Variants in MAPK12 observed in about 807,000 individuals in gnomAD.
The protein encoded by MAPK12 is MAP kinase 12.
MAPK12 carries 49 observed loss-of-function variants against 49.1 expected under a neutral mutation model. That is an observed-to-expected ratio of 1.00 (90% confidence interval 0.79 to 1.27). The LOEUF (loss-of-function observed/expected upper bound fraction) is 1.27, where lower values mean the gene tolerates loss of function less well. MAPK12 is among the 50% of genes most tolerant of loss of function. The pLI, the probability that MAPK12 is intolerant of heterozygous loss-of-function variation, is 0.00. For synonymous variants in MAPK12, 251 were observed against 209.7 expected, an observed-to-expected ratio of 1.20 and a Z score of -1.70; for missense variants, 554 against 502.4, an observed-to-expected ratio of 1.10 and a Z score of -0.98.
At position 50,261,626 on chromosome 22, in the gene MAPK12, G is replaced by C. The variant is rs993391443; in HGVS notation, c.-117C>G. The C allele has an allele frequency of 3.1e-6, 3 of 972,440 alleles. No homozygotes were observed. The highest frequency in any genetic ancestry group is 3.7e-6 in the Non-Finnish European group (3 of 818,390). The allele number at this position is 972,440 out of a possible 1,614,324, so 60.2% of individuals were successfully genotyped here. On this transcript the variant is annotated 5_prime_UTR_variant, in exon 1 of 12. Coordinates refer to ENST00000215659, the MANE Select transcript of MAPK12 (RefSeq NM_002969.6). ...CTCCGCGCCGCTCGTCCGCTCGCCC[G>C]CCCGCCCGCCGGCCGCTGGGGCGCT...
In MAPK12 at chr22:50,261,577, C is replaced by G. The variant is rs1287457481; in HGVS notation, c.-68G>C. Reference sequence around the variant, plus strand: ...TGCCCCCACGACCGGGGACGGGGCTCCCTCGGCGCGCGCCTCGGGCCGGCT... The same window carrying G: ...TGCCCCCACGACCGGGGACGGGGCTGCCTCGGCGCGCGCCTCGGGCCGGCT... On this transcript the variant is annotated 5_prime_UTR_variant, in exon 1 of 12. Transcript: ENST00000215659. 9.8e-7 allele frequency: 1 copy of G among 1,021,234 alleles called. No individual in the cohort carries two copies. Among genetic ancestry groups the G allele is most frequent in the Non-Finnish European group, 1.2e-6 (1 of 855,370 alleles). 63.3% of individuals were successfully genotyped at this position (1,021,234 alleles called of 1,614,324 possible).
At chr22:50,257,748 C>CGCCT in intron 3 of MAPK12, 1 of 658,118 alleles carries the variant, frequency 1.5e-6, no homozygotes, top group Non-Finnish European at 2.8e-6. Context: ...AGGCGGGAGG[C>CGCCT]GCCTGCTACC....
chr22:50,255,196 C>G lies in MAPK12; in HGVS notation c.1024+1G>C. On this transcript the variant is annotated splice_donor_variant, in intron 11 of 11. Transcript: ENST00000215659. LOFTEE classifies it high-confidence loss of function. The stretch of plus-strand genomic sequence containing the variant: ...GGCCGTGCCAGGAGCCCCCCACTCA[C>G]GCTTCCATTCATCCAGTGTGCGGTC... 6.2e-7 allele frequency: 1 copy of G among 1,613,736 alleles called. No homozygotes were observed. Among genetic ancestry groups the G allele is most frequent in the Non-Finnish European group, 8.5e-7 (1 of 1,179,972 alleles).
intron 2 of MAPK12, among the ~76,000 whole-genome samples, chr22:50,259,333 T>C (rs2065185214): frequency 6.6e-6 from 1 of 152,030 alleles, no homozygotes; most frequent in Non-Finnish European, 1.5e-5. Context: ...AGCAGGGTCC[T>C]GTGGGCTAGG....
At position 50,261,287 on chromosome 22, in the gene MAPK12, C is replaced by G. The variant is rs1601647775; in HGVS notation, c.135G>C (p.Val45=). ...CCACCTTAGCGCCGGTGCGGCCGTC[C>G]ACGGCCGAGCTGCGGGGCGGACCGC... ...SGAYGAVCSA[V]DGRTGAKVAI... The change falls in exon 2 of 12, where the codon GTG becomes GTC. Residue 45 remains valine, a synonymous_variant. Coordinates refer to ENST00000215659, the MANE Select transcript of MAPK12 (RefSeq NM_002969.6). The G allele has an allele frequency of 6.7e-7, 1 of 1,489,746 alleles. No individual in the cohort carries two copies. Among genetic ancestry groups the G allele is most frequent in the Admixed American group, 2.2e-5 (1 of 45,478 alleles). 92.3% of individuals were successfully genotyped at this position (1,489,746 alleles called of 1,614,324 possible). A position where few individuals can be genotyped will look rare whatever the true frequency, so the allele number is the denominator to read the frequency against.
rs545782464 is a variant in MAPK12 at position 50,256,873 on chromosome 22, C to T, written c.456+62G>A. The T allele has an allele frequency of 1.5e-4, 230 of 1,579,768 alleles. 1 individual carries two copies. The Middle Eastern group carries it at 1.7e-3, about 12-fold the overall frequency. On this transcript the variant is annotated intron_variant, in intron 5 of 11. Coordinates refer to ENST00000215659, the MANE Select transcript of MAPK12 (RefSeq NM_002969.6). ...CCCCATCACATCCTCACAGGTGGGA[C>T]GTGGAGGCGGGGGGATTGCACTGGG...
At chr22:50,259,148 G>A (rs967888749) in intron 2 of MAPK12, among the ~76,000 whole-genome samples, 3 of 152,202 alleles carry the variant, frequency 2.0e-5, no homozygotes, top group Non-Finnish European at 2.9e-5. Flanking sequence ...CCAGAGTGAG[G>A]TAAGAATGGA....
rs754013665 is a variant in MAPK12, at chr22:50,255,455, A to G, written c.848T>C (p.Leu283Pro). Residue 283 changes from leucine (L) to proline (P), a missense_variant and splice_region_variant, in exon 10 of 12, where the codon CTG becomes CCG. By Grantham distance (98) the Leu-to-Pro change is moderately conservative (BLOSUM62 -3). Coordinates refer to ENST00000215659, the MANE Select transcript of MAPK12 (RefSeq NM_002969.6). ...FASILTNASPLAVNLLEKMLV... is the reference protein window; with the variant it reads ...FASILTNASPPAVNLLEKMLV... Reference sequence around the variant, plus strand: ...GCCCCCACACTAGCCAGCCGTACCCAGAGGGCTTGCATTGGTCAGGATAGA... The same window carrying G: ...GCCCCCACACTAGCCAGCCGTACCCGGAGGGCTTGCATTGGTCAGGATAGA... The G allele has an allele frequency of 2.5e-6, 4 of 1,613,030 alleles. No individual in the cohort carries two copies. The African/African-American group carries it at 5.3e-5, about 22-fold the overall frequency.
In MAPK12 at chr22:50,258,229, AG is replaced by A; in HGVS notation, c.314+13del. Reference sequence around the variant, plus strand: ...ACCCCTCGTGCCCAGCGGCCAGCCCAGGTCGGCACTCACAAGTCCGTGAAGT... The same window carrying A: ...ACCCCTCGTGCCCAGCGGCCAGCCCAGTCGGCACTCACAAGTCCGTGAAGT... On this transcript the variant is annotated intron_variant, in intron 3 of 11. Coordinates refer to ENST00000215659, the MANE Select transcript of MAPK12 (RefSeq NM_002969.6). 6.2e-7 allele frequency: 1 copy of A among 1,612,900 alleles called. No individual in the cohort carries two copies. The highest frequency in any genetic ancestry group is 8.5e-7 in the Non-Finnish European group (1 of 1,179,818).
intron 2 of MAPK12, among the ~76,000 whole-genome samples, chr22:50,258,802 G>A (rs562160461): frequency 1.2e-4 from 18 of 152,374 alleles, no homozygotes; most frequent in Admixed American, 8.5e-4. Flanking sequence ...GACAACTGCC[G>A]CCTCAGCATT....
intron 2 of MAPK12, among the ~76,000 whole-genome samples, chr22:50,260,670 TG>T (rs2065202453): frequency 6.6e-6 from 1 of 152,120 alleles, no homozygotes; most frequent in Non-Finnish European, 1.5e-5. Flanking sequence ...ACACACTCCC[TG>T]CGTTCTGGCG....
At position 50,255,293 on chromosome 22, in the gene MAPK12, AG is replaced by A; in HGVS notation, c.927del (p.Tyr310ThrfsTer68). 6.2e-7 allele frequency: 1 copy of A among 1,613,680 alleles called. No homozygotes were observed. The highest frequency in any genetic ancestry group is 1.1e-5 in the South Asian group (1 of 91,092). ...RVTAGEALAH[P>X]YFESLHDTED... ...TCCGTGTCGTGCAGGGACTCGAAGT[AG>A]GGATGGGCCAGCGCCTCGCCTGCCG... On this transcript the variant is annotated frameshift_variant, in exon 11 of 12. Coordinates refer to ENST00000215659, the MANE Select transcript of MAPK12 (RefSeq NM_002969.6). LOFTEE classifies it high-confidence loss of function.
rs201816702 is a variant in MAPK12 at position 50,258,295 on chromosome 22, C to T, written c.262G>A (p.Gly88Arg). ...LKHMRHENVI[G>R]LLDVFTPDET... is the part of the protein sequence containing the mutation. ...TCAGGAGTGAATACGTCCAGCAGCCCGATCACCTGGGGGGGCCACATAGGG... is the reference window on the plus strand; with the variant it reads ...TCAGGAGTGAATACGTCCAGCAGCCTGATCACCTGGGGGGGCCACATAGGG... Residue 88 changes from glycine (G) to arginine (R), a missense_variant, in exon 3 of 12, where the codon GGG becomes AGG. By Grantham distance (125) the Gly-to-Arg change is moderately radical (BLOSUM62 -2). Coordinates refer to ENST00000215659, the MANE Select transcript of MAPK12 (RefSeq NM_002969.6). 2.4e-5 allele frequency: 38 copies of T among 1,613,020 alleles called. No individual in the cohort carries two copies. The highest frequency in any genetic ancestry group is 1.9e-4 in the South Asian group (17 of 91,084).
chr22:50,257,930 C>G (rs1314811285), intron 3 of MAPK12: 1 of 773,882 alleles, frequency 1.3e-6, no homozygotes, highest in East Asian at 2.4e-5. Flanking sequence ...GCCAGGGTCC[C>G]GAGCACGGGA....
Position 50,256,605 on chromosome 22 carries a change from C to T in MAPK12, c.498G>A (p.Glu166=). The T allele has an allele frequency of 6.2e-7, 1 of 1,611,810 alleles. No homozygotes were observed. ...CCTGCCAGGCAGCACACACCTTCAG[C>T]TCACAGTCTTCGTTCACAGCCAGGT... ...PGNLAVNEDC[E]LKILDFGLAR... The change falls in exon 6 of 12, where the codon GAG becomes GAA. Residue 166 remains glutamate (E), a synonymous_variant. Coordinates refer to ENST00000215659, the MANE Select transcript of MAPK12 (RefSeq NM_002969.6).
intron 11 of MAPK12, chr22:50,254,749 G>A: frequency 1.8e-6 from 2 of 1,088,924 alleles, no homozygotes; most frequent in Non-Finnish European, 1.1e-6. Flanking sequence ...GTGTCAGGGT[G>A]GCCCAGGTCT....
chr22:50,255,227 C>A lies in MAPK12; in HGVS notation c.994G>T (p.Asp332Tyr), dbSNP rs766106806. 1.9e-6 allele frequency: 3 copies of A among 1,613,854 alleles called. No homozygotes were observed. In the South Asian group the frequency reaches 3.3e-5, roughly 18 times the overall value. ...CATTCATCCAGTGTGCGGTCAACGTCGTCAAAGGAGTCATCATACTTCTGG... is the reference window on the plus strand; with the variant it reads ...CATTCATCCAGTGTGCGGTCAACGTAGTCAAAGGAGTCATCATACTTCTGG... ...QVQKYDDSFD[D>Y]VDRTLDEWKR... The change falls in exon 11 of 12, where the codon GAC becomes TAC. Residue 332 changes from aspartate to tyrosine, a missense_variant. Asp to Tyr is a radical substitution (Grantham distance 160). Transcript: ENST00000215659.
chr22:50,256,878 A>G (rs2147258041), intron 5 of MAPK12, 57 bp downstream of exon 5: 4 of 1,584,014 alleles, frequency 2.5e-6, no homozygotes, highest in Middle Eastern at 1.7e-4. Context: ...TGGGACGTGG[A>G]GGCGGGGGGA....
intron 2 of MAPK12, among the ~76,000 whole-genome samples, chr22:50,260,063 G>A (rs2065194970): frequency 6.6e-6 from 1 of 151,096 alleles, no homozygotes; most frequent in South Asian, 2.1e-4. Flanking sequence ...GGGCAGGGCT[G>A]GGTGTGACGG....
Sources: allele counts gnomAD v4.1 joint callset (sites outside exome capture counted in the v4.1 genomes callset), GRCh38; gene constraint gnomAD v4.1.1; transcripts MANE v1.5; gene names NCBI Gene and HGNC (gene_info 2026-07-23, HGNC 2026-07-21).